Variants in IFI30 observed in about 807,000 individuals in gnomAD.
The protein encoded by IFI30 is IFI30 lysosomal thiol reductase.
A neutral mutation model predicts 30.1 loss-of-function variants in IFI30; 26 were observed. The ratio of observed to expected loss-of-function variants is 0.87; its 90% CI spans 0.63 to 1.20. The LOEUF (loss-of-function observed/expected upper bound fraction) is 1.20, where lower values mean the gene tolerates loss of function less well. Ranked by LOEUF, IFI30 falls within the 50% of genes most tolerant of loss-of-function variation. The pLI is 0.00. For missense variants in IFI30, 296 were observed against 312.5 expected (o/e 0.95, Z 0.40); for synonymous variants, 149 against 134.5 (o/e 1.11, Z -0.75).
intron 3 of IFI30, 40 bp from the exon 4 acceptor site, chr19:18,175,565 C>T (rs1290050842): frequency 1.9e-6 from 3 of 1,547,346 alleles, no homozygotes; most frequent in Non-Finnish European, 1.8e-6. Flanking sequence ...GTACCCTAGG[C>T]CCTCTTCATG....
At position 18,175,874 on chromosome 19, in the gene IFI30, G is replaced by C. The variant is rs375083436; in HGVS notation, c.483+177G>C. Among the ~76,000 whole-genome samples, 248 of 152,102 alleles carry C rather than the reference G, an allele frequency of 1.6e-3. 1 individual carries two copies. The highest frequency in any genetic ancestry group is 5.4e-3 in the African/African-American group (225 of 41,484). On this transcript the variant is annotated intron_variant, in intron 4 of 6. Transcript: ENST00000407280. ...TTATTTTTTCTTGAGACAGAGTCTC[G>C]CTCTGTCGCCCAGGCTGGAATGCAG... is the stretch of plus-strand genomic sequence containing the variant.
intron 4 of IFI30, 86 bp from the exon 5 acceptor site, chr19:18,177,049 GACGAA>G: frequency 7.4e-7 from 1 of 1,344,904 alleles, no homozygotes; most frequent in South Asian, 1.5e-5. Flanking sequence ...TCTTCTCAGT[GACGAA>G]ACAGGCTTGG....
At chr19:18,174,054 T>C in intron 1 of IFI30, 81 bp downstream of exon 1, 1 of 1,328,892 alleles carries the variant, frequency 7.5e-7, no homozygotes. Flanking sequence ...CTCCCCAGAC[T>C]TCACAGGGGA....
At chr19:18,175,739 G>A in intron 4 of IFI30, 42 bp downstream of exon 4, 5 of 1,487,914 alleles carry the variant, frequency 3.4e-6, no homozygotes, top group Non-Finnish European at 4.6e-6. Flanking sequence ...GGGGACATGG[G>A]TGGTAACCTT....
At chr19:18,177,586 T>C (rs1021291187) in intron 5 of IFI30, 125 bp from the exon 6 acceptor site, 3 of 1,120,852 alleles carry the variant, frequency 2.7e-6, no homozygotes, top group Admixed American at 4.0e-5. Context: ...GATGTGCCAC[T>C]GATTTGCGAG....
chr19:18,176,722 A>G (rs1967274203), intron 4 of IFI30, among the ~76,000 whole-genome samples: 1 of 152,170 alleles, frequency 6.6e-6, no homozygotes. Context: ...GGGTCACCCA[A>G]GAGGCCTCAC....
In IFI30 at chr19:18,175,706, C is replaced by A. The variant is rs149723974; in HGVS notation, c.483+9C>A. 9.4e-6 allele frequency: 15 copies of A among 1,591,430 alleles called. No homozygotes were observed. In the East Asian group the frequency reaches 3.4e-4, roughly 36 times the overall value. On this transcript the variant is annotated intron_variant, in intron 4 of 6. Transcript: ENST00000407280. Reference sequence around the variant, plus strand: ...AGAGAAGTCTGCCACTAGTGAGTGACGCCCCTCACTCCACCCAAGGAGGGG... The same window carrying A: ...AGAGAAGTCTGCCACTAGTGAGTGAAGCCCCTCACTCCACCCAAGGAGGGG...
intron 5 of IFI30, 99 bp from the exon 6 acceptor site, chr19:18,177,612 C>A: frequency 7.1e-7 from 1 of 1,411,196 alleles, no homozygotes; most frequent in Non-Finnish European, 9.9e-7. Flanking sequence ...AGGCGGGGGC[C>A]AGACTTGGGA....
In IFI30 at chr19:18,173,850, G is replaced by T; in HGVS notation, c.9G>T (p.Leu3=). The change falls in exon 1 of 7, where the codon CTG becomes CTT. Residue 3 remains leucine (L), a synonymous_variant. Transcript: ENST00000407280. ...CCTTTGCCCCTGCTGCGATGACCCT[G>T]TCGCCACTTCTGCTGTTCCTGCCAC... MT[L]SPLLLFLPPL... 1 of 1,547,712 alleles carries T rather than the reference G, an allele frequency of 6.5e-7. No homozygotes were observed. The highest frequency in any genetic ancestry group is 8.7e-7 in the Non-Finnish European group (1 of 1,146,566).
chr19:18,177,621 G>A (rs992942875), intron 5 of IFI30, 90 bp from the exon 6 acceptor site: 1 of 1,470,594 alleles, frequency 6.8e-7, no homozygotes, highest in Non-Finnish European at 9.4e-7. Context: ...CCAGACTTGG[G>A]AATATGTGCA....
Position 18,177,224 on chromosome 19 carries a change from G to A in IFI30, c.568G>A (p.Ala190Thr), listed in dbSNP as rs202191420. 9.0e-5 allele frequency: 143 copies of A among 1,588,424 alleles called. No homozygotes were observed. The highest frequency in any genetic ancestry group is 2.0e-4 in the African/African-American group (15 of 74,340). Residue 190 changes from alanine to threonine, a missense_variant, in exon 5 of 7, where the codon GCC becomes ACC. Coordinates refer to ENST00000407280, the MANE Select transcript of IFI30 (RefSeq NM_006332.5). Reference protein sequence around the residue: ...MGDRGMQLMHANAQRTDALQP... With the variant: ...MGDRGMQLMHTNAQRTDALQP... ...GGACCGCGGCATGCAGCTCATGCAC[G>A]CCAACGCCCAGCGGACAGATGCTCT... is the stretch of plus-strand genomic sequence containing the variant.
chr19:18,176,141 CTTTTTTTTTTTTTTTTTTT>C (rs71336666), intron 4 of IFI30, among the ~76,000 whole-genome samples: 2 of 56,454 alleles, frequency 3.5e-5, no homozygotes, highest in East Asian at 4.2e-4. Flanking sequence ...GCACCCAGCC[CTTTTTTTTTTTTTTTTTTT>C]TTTTTTTTTT....
In IFI30 at chr19:18,174,884, A is replaced by T. The variant is rs958319145; in HGVS notation, c.133-156A>T. ...ACTCCATCTCAAAAAAAAAAAAAAAAGTCTCAAAGTCAAGATTCCACCTGG... is the reference window on the plus strand; with the variant it reads ...ACTCCATCTCAAAAAAAAAAAAAAATGTCTCAAAGTCAAGATTCCACCTGG... On this transcript the variant is annotated intron_variant, in intron 1 of 6. Transcript: ENST00000407280. The T allele has an allele frequency of 2.6e-5, 15 of 585,516 alleles. No homozygotes were observed. In the South Asian group the frequency reaches 3.1e-4, roughly 12 times the overall value. The allele number at this position is 585,516 out of a possible 1,614,324, so 36.3% of individuals were successfully genotyped here. A position where few individuals can be genotyped will look rare whatever the true frequency, so the allele number is the denominator to read the frequency against.
chr19:18,174,045 T>G (rs770107752), intron 1 of IFI30, 72 bp downstream of exon 1: 76 of 1,399,164 alleles, frequency 5.4e-5, no homozygotes, highest in Non-Finnish European at 6.9e-5. Context: ...TCCTTCTTTC[T>G]CCCCAGACTT....
At chr19:18,176,254 A>C (rs1415480007) in intron 4 of IFI30, among the ~76,000 whole-genome samples, 1 of 139,806 alleles carries the variant, frequency 7.2e-6, no homozygotes, top group Non-Finnish European at 1.5e-5. Context: ...TCCTCAGTTT[A>C]AGTGATCCTC....
intron 5 of IFI30, 68 bp from the exon 6 acceptor site, chr19:18,177,643 G>C: frequency 6.4e-7 from 1 of 1,573,754 alleles, no homozygotes; most frequent in East Asian, 2.3e-5. Flanking sequence ...CCCTTTCTGG[G>C]CTGGAACCAG....
intron 1 of IFI30, chr19:18,174,831 C>T (rs1476613548): frequency 2.0e-5 from 11 of 539,540 alleles, no homozygotes; most frequent in African/African-American, 3.9e-5. Flanking sequence ...GAGATCGTGC[C>T]GCAGCACACC....
chr19:18,176,036 T>A (rs985717455), intron 4 of IFI30, among the ~76,000 whole-genome samples: 1 of 151,678 alleles, frequency 6.6e-6, no homozygotes, highest in African/African-American at 2.4e-5. Context: ...AGAGACAGGG[T>A]TTCACCATGT....
In IFI30 at chr19:18,177,256, A is replaced by G. The variant is rs2147967452; in HGVS notation, c.600A>G (p.Pro200=). ...ANAQRTDALQ[P]PHEYVPWVTV... Reference sequence around the variant, plus strand: ...CCCAGCGGACAGATGCTCTCCAGCCACCACACGAGTATGTGCCCTGGGTCA... The same window carrying G: ...CCCAGCGGACAGATGCTCTCCAGCCGCCACACGAGTATGTGCCCTGGGTCA... The change falls in exon 5 of 7, where the codon CCA becomes CCG. Residue 200 remains proline, a synonymous_variant. Transcript: ENST00000407280. The G allele has an allele frequency of 6.3e-7, 1 of 1,588,058 alleles. No individual in the cohort carries two copies. The highest frequency in any genetic ancestry group is 1.3e-5 in the African/African-American group (1 of 74,480).
Sources: allele counts gnomAD v4.1 joint callset (sites outside exome capture counted in the v4.1 genomes callset), GRCh38; gene constraint gnomAD v4.1.1; transcripts MANE v1.5; gene names NCBI Gene and HGNC (gene_info 2026-07-23, HGNC 2026-07-21).